Variants in PPP2R2A observed in about 807,000 individuals in gnomAD.
PPP2R2A encodes the protein protein phosphatase 2 regulatory subunit Balpha.
A neutral mutation model predicts 53.2 loss-of-function variants in PPP2R2A; 9 were observed. The ratio of observed to expected loss-of-function variants is 0.17; its 90% CI spans 0.10 to 0.30. The LOEUF is 0.30. Among genes scored for constraint, PPP2R2A ranks in the 10% least tolerant of loss-of-function variants. PPP2R2A has a pLI of 1.00. For missense variants in PPP2R2A, 235 were observed against 534.6 expected (o/e 0.44, Z 5.53); for synonymous variants, 169 against 174.2 (o/e 0.97, Z 0.23).
intron 2 of PPP2R2A, among the ~76,000 whole-genome samples, chr8:26,325,239 G>C (rs925406062): frequency 6.6e-6 from 1 of 151,878 alleles, no homozygotes; most frequent in African/African-American, 2.4e-5. Context: ...GGACCCATGG[G>C]GGGGTAATTG....
Position 26,354,740 on chromosome 8 carries a change from T to G in PPP2R2A, c.346+107T>G, listed in dbSNP as rs908877160. ...AACAGAGATACTTGTAAAAAGGACT[T>G]TTGTTTTTCTATACAGAATGTAAAC... On this transcript the variant is annotated intron_variant, in intron 4 of 9. Coordinates refer to ENST00000380737, the MANE Select transcript of PPP2R2A (RefSeq NM_002717.4). The surrounding 1 kb of genome is among the most constrained non-coding windows in gnomAD (Gnocchi z 4.6). 33 of 1,081,068 alleles carry G rather than the reference T, an allele frequency of 3.1e-5. No individual in the cohort carries two copies. The highest frequency in any genetic ancestry group is 4.1e-5 in the Non-Finnish European group (33 of 812,462). The allele number at this position is 1,081,068 out of a possible 1,614,324, so 67.0% of individuals were successfully genotyped here.
intron 4 of PPP2R2A, among the ~76,000 whole-genome samples, chr8:26,355,551 A>C (rs1420647179): frequency 6.6e-6 from 1 of 152,070 alleles, no homozygotes; most frequent in Non-Finnish European, 1.5e-5. Flanking sequence ...GCCCAGGAAA[A>C]GTTGAGTGAG....
chr8:26,361,613 A>T (rs1014162361), intron 6 of PPP2R2A, among the ~76,000 whole-genome samples: 3 of 151,406 alleles, frequency 2.0e-5, no homozygotes, highest in Admixed American at 6.6e-5. Context: ...CTCTAAAAAA[A>T]TTTTTTTTCT....
rs1405188522 is a variant in PPP2R2A at position 26,354,146 on chromosome 8, G to GT, written c.181-314dup. 2.0e-5 allele frequency among the ~76,000 whole-genome samples: 3 copies of GT among 151,792 alleles called. No individual in the cohort carries two copies. Among genetic ancestry groups the GT allele is most frequent in the Non-Finnish European group, 2.9e-5 (2 of 67,942 alleles). On this transcript the variant is annotated intron_variant, in intron 3 of 9. Coordinates refer to ENST00000380737, the MANE Select transcript of PPP2R2A (RefSeq NM_002717.4). This position sits in a 1 kb window ranked among gnomAD's most constrained non-coding sequence, Gnocchi z 4.6. ...TGAACTTCCTTATTATGGGTGCTCA[G>GT]TTTTTTTTCATCAGTTTTTTTCATA... is the stretch of plus-strand genomic sequence containing the variant.
intron 3 of PPP2R2A, among the ~76,000 whole-genome samples, chr8:26,347,703 A>G (rs567896173): frequency 6.6e-6 from 1 of 152,288 alleles, no homozygotes; most frequent in Non-Finnish European, 1.5e-5. Flanking sequence ...TCATTCAGAT[A>G]TCTCTCCCAC....
chr8:26,305,221 G>T (rs542410275), intron 2 of PPP2R2A, among the ~76,000 whole-genome samples: 17 of 152,156 alleles, frequency 1.1e-4, no homozygotes, highest in Non-Finnish European at 2.9e-5. Context: ...CATCCCTGTT[G>T]TAGTATGTGA....
chr8:26,354,442 T>A lies in PPP2R2A; in HGVS notation c.181-26T>A. Reference sequence around the variant, plus strand: ...ATTTTGAAATATTTTTCAACAATGGTCCATATATTTTTGTTTTCATTTTAG... The same window carrying A: ...ATTTTGAAATATTTTTCAACAATGGACCATATATTTTTGTTTTCATTTTAG... On this transcript the variant is annotated intron_variant, in intron 3 of 9. Transcript: ENST00000380737. This position sits in a 1 kb window ranked among gnomAD's most constrained non-coding sequence, Gnocchi z 4.6. 1.4e-6 allele frequency: 2 copies of A among 1,478,502 alleles called. No homozygotes were observed. The highest frequency in any genetic ancestry group is 1.8e-6 in the Non-Finnish European group (2 of 1,098,270). 91.6% of individuals were successfully genotyped at this position (1,478,502 alleles called of 1,614,324 possible).
At chr8:26,366,929 G>A (rs917797763) in intron 9 of PPP2R2A, among the ~76,000 whole-genome samples, 7 of 151,716 alleles carry the variant, frequency 4.6e-5, no homozygotes, top group South Asian at 2.1e-4. Context: ...TTCCTTTTTC[G>A]TATTCATTTT....
intron 1 of PPP2R2A, among the ~76,000 whole-genome samples, chr8:26,292,804 A>G (rs1168645333): frequency 1.3e-5 from 2 of 152,186 alleles, no homozygotes; most frequent in Non-Finnish European, 2.9e-5. Context: ...GCCCCAGGAC[A>G]TTTTCAATCA....
intron 2 of PPP2R2A, among the ~76,000 whole-genome samples, chr8:26,319,283 TC>T (rs553225915): frequency 5.8e-4 from 88 of 152,216 alleles, no homozygotes; most frequent in Non-Finnish European, 1.2e-3. Flanking sequence ...TCTTCAAGTA[TC>T]TGTTCAAGTC....
chr8:26,329,734 T>C (rs1391419595), intron 2 of PPP2R2A, among the ~76,000 whole-genome samples: 1 of 152,228 alleles, frequency 6.6e-6, no homozygotes, highest in Non-Finnish European at 1.5e-5. Context: ...CAAACTGTTT[T>C]ACTTACCAAG....
intron 8 of PPP2R2A, chr8:26,365,362 T>C (rs1227199223): frequency 6.6e-6 from 1 of 152,314 alleles, no homozygotes; most frequent in East Asian, 1.9e-4. Flanking sequence ...TTGCTATTCC[T>C]CTGTATTACA....
chr8:26,314,894 C>G (rs1375249821), intron 2 of PPP2R2A, among the ~76,000 whole-genome samples: 5 of 144,008 alleles, frequency 3.5e-5, no homozygotes, highest in African/African-American at 1.3e-4. Context: ...CCCTTCCCCC[C>G]CCCCCCCCCA....
chr8:26,360,837 C>A lies in PPP2R2A; in HGVS notation c.460-137C>A. Reference sequence around the variant, plus strand: ...CACTCGAAAGGATCAACATCAGTTGCTTTTTAAAACTAAATCTATGTAATA... The same window carrying A: ...CACTCGAAAGGATCAACATCAGTTGATTTTTAAAACTAAATCTATGTAATA... On this transcript the variant is annotated intron_variant, in intron 5 of 9. Transcript: ENST00000380737. The surrounding 1 kb of genome is among the most constrained non-coding windows in gnomAD (Gnocchi z 4.5). The A allele has an allele frequency of 2.6e-6, 2 of 778,152 alleles. No individual in the cohort carries two copies. Among genetic ancestry groups the A allele is most frequent in the Non-Finnish European group, 3.8e-6 (2 of 523,276 alleles). The allele number at this position is 778,152 out of a possible 1,614,324, so 48.2% of individuals were successfully genotyped here.
chr8:26,347,155 C>A (rs1191018435), intron 3 of PPP2R2A, among the ~76,000 whole-genome samples: 9 of 151,076 alleles, frequency 6.0e-5, no homozygotes, highest in Admixed American at 5.3e-4. Flanking sequence ...GAAAGAGACA[C>A]AAGTAGTAAA....
chr8:26,350,843 C>T (rs1804463438), intron 3 of PPP2R2A, among the ~76,000 whole-genome samples: 1 of 152,106 alleles, frequency 6.6e-6, no homozygotes, highest in South Asian at 2.1e-4. Context: ...TGTAGATGAA[C>T]TCTTTTTCAG....
chr8:26,331,710 A>G (rs1003548806), intron 2 of PPP2R2A, among the ~76,000 whole-genome samples: 1 of 152,182 alleles, frequency 6.6e-6, no homozygotes, highest in African/African-American at 2.4e-5. Flanking sequence ...TTGTTTGTAG[A>G]TACGTGCTCT....
chr8:26,368,121 A>C (rs1026109799), intron 9 of PPP2R2A, among the ~76,000 whole-genome samples: 3 of 152,220 alleles, frequency 2.0e-5, no homozygotes, highest in African/African-American at 7.2e-5. Flanking sequence ...AAAACCACGC[A>C]AACTCAGATG....
chr8:26,300,333 T>C (rs1801725014), intron 2 of PPP2R2A, among the ~76,000 whole-genome samples: 1 of 152,216 alleles, frequency 6.6e-6, no homozygotes, highest in Non-Finnish European at 1.5e-5. Context: ...GAGGTTACAG[T>C]ATGTTACGTA....
Sources: gnomAD v4.1 joint callset for allele counts (sites outside exome capture counted in the v4.1 genomes callset) on GRCh38, gnomAD v4.1.1 for gene constraint, Gnocchi (gnomAD v3.1) non-coding constraint, MANE v1.5 for transcripts, NCBI Gene and HGNC (gene_info 2026-07-23, HGNC 2026-07-21) for gene names.